Variants in LGMN observed in about 807,000 individuals in gnomAD.
LGMN encodes asparaginyl endopeptidase.
Under a neutral mutation model 56.8 loss-of-function variants are expected in LGMN, and 36 were observed. The observed-to-expected ratio is 0.63, with a 90% CI of 0.49 to 0.84. LGMN has a LOEUF of 0.84. LGMN is among the 40% of genes least tolerant of loss of function. LGMN has a pLI of 0.00. For synonymous variants in LGMN, 199 were observed against 210.1 expected (o/e 0.95, Z 0.46); for missense variants, 446 against 556.1 (o/e 0.80, Z 1.99).
chr14:92,714,957 A>C lies in LGMN; in HGVS notation c.405-506T>G, dbSNP rs570856140. Among the ~76,000 whole-genome samples, 1 of 151,358 alleles carries C rather than the reference A, an allele frequency of 6.6e-6. No individual in the cohort carries two copies. The stretch of plus-strand genomic sequence containing the variant: ...AGATGTAGTAACTTACATGAAGCCA[A>C]TTTGGTTCACCCTCACAGATGTCCA... On this transcript the variant is annotated intron_variant, in intron 5 of 13. Transcript: ENST00000334869. The surrounding 1 kb of genome is among the most constrained non-coding windows in gnomAD (Gnocchi z 5.1).
chr14:92,724,810 T>C (rs1043672207), intron 2 of LGMN, among the ~76,000 whole-genome samples: 1 of 152,164 alleles, frequency 6.6e-6, no homozygotes, highest in Non-Finnish European at 1.5e-5. Flanking sequence ...AGCTGTCAGC[T>C]AAACAAAGAC....
intron 2 of LGMN, among the ~76,000 whole-genome samples, chr14:92,719,299 GCCA>G (rs1180586672): frequency 0.076 from 3,223 of 42,194 alleles, 138 homozygotes; most frequent in East Asian, 0.2. Flanking sequence ...CGCCGCCGCC[GCCA>G]CCGCCGCCAC....
At chr14:92,709,005 C>T (rs1019444834) in intron 11 of LGMN, among the ~76,000 whole-genome samples, 29 of 152,168 alleles carry the variant, frequency 1.9e-4, no homozygotes, top group Admixed American at 1.1e-3. Context: ...CCCAGCATTC[C>T]GGTGAGCACA....
intron 2 of LGMN, among the ~76,000 whole-genome samples, chr14:92,730,106 G>C (rs1350311533): frequency 2.6e-5 from 4 of 152,120 alleles, no homozygotes; most frequent in Admixed American, 2.0e-4. Flanking sequence ...ATGAGTAATC[G>C]TGTTAACTCT....
intron 4 of LGMN, 42 bp from the exon 5 acceptor site, chr14:92,716,263 C>T (rs1890069101): frequency 2.1e-6 from 3 of 1,448,796 alleles, no homozygotes; most frequent in Non-Finnish European, 2.9e-6. Flanking sequence ...AGCTGTCGCT[C>T]CAACCCAGAG....
intron 2 of LGMN, among the ~76,000 whole-genome samples, chr14:92,721,850 C>A (rs1439860660): frequency 6.6e-6 from 1 of 152,150 alleles, no homozygotes; most frequent in Non-Finnish European, 1.5e-5. Flanking sequence ...GAAGTGCAAA[C>A]CCCACCACTA....
intron 2 of LGMN, among the ~76,000 whole-genome samples, chr14:92,719,350 A>ACCGCCACCG (rs1890332449): frequency 8.0e-6 from 1 of 124,248 alleles, no homozygotes; most frequent in African/African-American, 3.3e-5. Flanking sequence ...CACCGCCACC[A>ACCGCCACCG]CCACCAACAC....
chr14:92,731,711 G>A (rs917213734), intron 2 of LGMN, among the ~76,000 whole-genome samples: 4 of 152,106 alleles, frequency 2.6e-5, no homozygotes, highest in South Asian at 2.1e-4. Flanking sequence ...TGGACATCTG[G>A]CTTGTTTCCA....
At position 92,704,186 on chromosome 14, in the gene LGMN, G is replaced by T; in HGVS notation, c.*133C>A. 1 of 1,095,876 alleles carries T rather than the reference G, an allele frequency of 9.1e-7. No individual in the cohort carries two copies. Among genetic ancestry groups the T allele is most frequent in the Non-Finnish European group, 1.4e-6 (1 of 722,742 alleles). The allele number at this position is 1,095,876 out of a possible 1,614,324, so 67.9% of individuals were successfully genotyped here. ...AAGTCATCTTGTGAAGAAGGTCCTG[G>T]AGCGAGCCCTGGAGCGGGGGCTCCC... On this transcript the variant is annotated 3_prime_UTR_variant, in exon 14 of 14. Coordinates refer to ENST00000334869, the MANE Select transcript of LGMN (RefSeq NM_005606.7).
intron 2 of LGMN, among the ~76,000 whole-genome samples, chr14:92,729,238 C>A (rs549365803): frequency 7.7e-4 from 116 of 151,184 alleles, no homozygotes; most frequent in Non-Finnish European, 8.5e-4. Flanking sequence ...CCAGGTCTGC[C>A]TCTGTCCCCA....
intron 12 of LGMN, 21 bp from the exon 13 acceptor site, chr14:92,704,728 A>C (rs755156940): frequency 1.3e-6 from 2 of 1,595,718 alleles, no homozygotes; most frequent in Non-Finnish European, 1.7e-6. Context: ...ACAAACGAGA[A>C]GAATGAAACT....
intron 2 of LGMN, among the ~76,000 whole-genome samples, chr14:92,724,380 T>A (rs1450679329): frequency 6.6e-6 from 1 of 152,218 alleles, no homozygotes; most frequent in Non-Finnish European, 1.5e-5. Context: ...CTCATCAGGC[T>A]GTGACTCTCT....
chr14:92,706,950 C>T (rs576806735), intron 11 of LGMN, among the ~76,000 whole-genome samples: 14 of 152,320 alleles, frequency 9.2e-5, no homozygotes, highest in African/African-American at 2.9e-4. Context: ...CCAAAGCAGA[C>T]GACTGTGCCG....
At chr14:92,730,733 T>A (rs561098731) in intron 2 of LGMN, among the ~76,000 whole-genome samples, 14 of 152,146 alleles carry the variant, frequency 9.2e-5, no homozygotes, top group Admixed American at 7.9e-4. Flanking sequence ...TCACCTGAGG[T>A]CAGGAGTTAA....
chr14:92,705,483 C>T (rs1889382602), intron 12 of LGMN, among the ~76,000 whole-genome samples: 1 of 150,630 alleles, frequency 6.6e-6, no homozygotes, highest in Non-Finnish European at 1.5e-5. Flanking sequence ...GCCTGGGCAA[C>T]AAGAGCAAAA....
intron 2 of LGMN, among the ~76,000 whole-genome samples, chr14:92,729,417 C>A (rs991060977): frequency 6.9e-6 from 1 of 144,674 alleles, no homozygotes; most frequent in Non-Finnish European, 1.5e-5. Flanking sequence ...TTACTCACCC[C>A]ATGCTCAGGA....
intron 1 of LGMN, among the ~76,000 whole-genome samples, chr14:92,744,239 T>C (rs1891714822): frequency 6.6e-6 from 1 of 152,228 alleles, no homozygotes; most frequent in South Asian, 2.1e-4. Context: ...ATATGATTCA[T>C]TGGCAAACTA....
At position 92,732,730 on chromosome 14, in the gene LGMN, A is replaced by G; in HGVS notation, c.57T>C (p.Pro19=). The G allele has an allele frequency of 6.2e-7, 1 of 1,614,202 alleles. No individual in the cohort carries two copies. The highest frequency in any genetic ancestry group is 2.2e-5 in the East Asian group (1 of 44,886). Residue 19 remains proline, a synonymous_variant, in exon 2 of 14, where the codon CCT becomes CCC. Transcript: ENST00000334869. ...TGCCTCCATCTTCAGGATCATCTATAGGAACGGCACCAATGCCCAGGGCCA... is the reference window on the plus strand; with the variant it reads ...TGCCTCCATCTTCAGGATCATCTATGGGAACGGCACCAATGCCCAGGGCCA... ...LSVALGIGAV[P]IDDPEDGGKH... is the part of the protein sequence containing the mutation.
In LGMN at chr14:92,714,477, T is replaced by A; in HGVS notation, c.405-26A>T. The A allele has an allele frequency of 6.7e-7, 1 of 1,498,390 alleles. No individual in the cohort carries two copies. Among genetic ancestry groups the A allele is most frequent in the East Asian group, 2.3e-5 (1 of 44,304 alleles). The allele number at this position is 1,498,390 out of a possible 1,614,324, so 92.8% of individuals were successfully genotyped here. On this transcript the variant is annotated intron_variant, in intron 5 of 13. Coordinates refer to ENST00000334869, the MANE Select transcript of LGMN (RefSeq NM_005606.7). This position sits in a 1 kb window ranked among gnomAD's most constrained non-coding sequence, Gnocchi z 5.1. Reference sequence around the variant, plus strand: ...CTGCCAAGAAGGAATCGGGGGTCAATCATTTCCTTTTTCTGTTTTTACTTC... The same window carrying A: ...CTGCCAAGAAGGAATCGGGGGTCAAACATTTCCTTTTTCTGTTTTTACTTC...
Sources: gnomAD v4.1 joint callset for allele counts (sites outside exome capture counted in the v4.1 genomes callset) on GRCh38, gnomAD v4.1.1 for gene constraint, Gnocchi (gnomAD v3.1) non-coding constraint, MANE v1.5 for transcripts, NCBI Gene and HGNC (gene_info 2026-07-23, HGNC 2026-07-21) for gene names.